HMGCLL1: variants seen among roughly 807,000 people sequenced by gnomAD.
HMGCLL1 encodes the protein 3-hydroxy-3-methylglutaryl-CoA lyase like 1.
HMGCLL1 carries 36 observed loss-of-function variants against 39.1 expected under a neutral mutation model. That is an observed-to-expected ratio of 0.92 (90% confidence interval 0.71 to 1.22). The LOEUF (loss-of-function observed/expected upper bound fraction) is 1.22, where lower values mean the gene tolerates loss of function less well. Among genes scored for constraint, HMGCLL1 ranks in the 50% most tolerant of loss-of-function variants. The probability of loss-of-function intolerance (pLI) is 0.00; values close to 1 mark genes in which losing one functional copy is unlikely to be tolerated. For missense variants in HMGCLL1, 451 were observed against 416.5 expected (o/e 1.08, Z -0.72); for synonymous variants, 149 against 144.0 (o/e 1.03, Z -0.25).
chr6:55,650,098 T>TATATATATACACACACATATAC, the HMGCLL1 span, among the ~76,000 whole-genome samples: 2 of 23,346 alleles, frequency 8.6e-5, no homozygotes, highest in African/African-American at 5.0e-4. Flanking sequence ...TACATATATA[T>TATATATATACACACACATATAC]ATATATATAT....
At chr6:55,475,174 G>T (rs1041480426) in intron 7 of HMGCLL1, among the ~76,000 whole-genome samples, 1 of 151,512 alleles carries the variant, frequency 6.6e-6, no homozygotes, top group Non-Finnish European at 1.5e-5. Flanking sequence ...GCTGGGATAA[G>T]GTACTAGTAA....
chr6:55,620,626 T>TAA, the HMGCLL1 span, among the ~76,000 whole-genome samples: 81 of 149,400 alleles, frequency 5.4e-4, no homozygotes, highest in African/African-American at 1.9e-3. Flanking sequence ...TTTGGGGTGT[T>TAA]ACACACACAC....
chr6:55,497,990 T>A (rs1293297266), intron 6 of HMGCLL1, among the ~76,000 whole-genome samples: 1 of 152,022 alleles, frequency 6.6e-6, no homozygotes, highest in Non-Finnish European at 1.5e-5. Flanking sequence ...AGAGAGTGAG[T>A]TAAGCACAAA....
intron 3 of HMGCLL1, among the ~76,000 whole-genome samples, chr6:55,527,222 G>C (rs1262877874): frequency 6.6e-6 from 1 of 152,018 alleles, no homozygotes; most frequent in African/African-American, 2.4e-5. Flanking sequence ...GAACAGTCTT[G>C]TGGCATATTT....
the HMGCLL1 span, among the ~76,000 whole-genome samples, chr6:55,642,747 A>C: frequency 6.6e-6 from 1 of 152,058 alleles, no homozygotes; most frequent in African/African-American, 2.4e-5. Context: ...ACTAAGTACT[A>C]AGCTTAGTAT....
At chr6:55,541,908 C>A in intron 2 of HMGCLL1, 72 bp from the exon 3 acceptor site, 1 of 1,012,488 alleles carries the variant, frequency 9.9e-7, no homozygotes, top group Non-Finnish European at 1.5e-6. Context: ...AAATTACTTC[C>A]TAAGTCAAAG....
the HMGCLL1 span, among the ~76,000 whole-genome samples, chr6:55,651,318 G>T: frequency 6.6e-6 from 1 of 151,970 alleles, no homozygotes; most frequent in South Asian, 2.1e-4. Flanking sequence ...GTGGCCACAG[G>T]GTTTCTTTCT....
the HMGCLL1 span, among the ~76,000 whole-genome samples, chr6:55,589,070 C>A: frequency 6.6e-6 from 1 of 152,144 alleles, no homozygotes; most frequent in Non-Finnish European, 1.5e-5. Context: ...CCAGCATCAT[C>A]CTGATACCAA....
At chr6:55,627,049 GAAAAAAAAAAA>G in the HMGCLL1 span, among the ~76,000 whole-genome samples, 388 of 85,826 alleles carry the variant, frequency 4.5e-3, 3 homozygotes, top group African/African-American at 0.017. Flanking sequence ...CACTCCACCA[GAAAAAAAAAAA>G]AAAAAAAAAA....
chr6:55,633,848 A>G, the HMGCLL1 span, among the ~76,000 whole-genome samples: 2 of 152,246 alleles, frequency 1.3e-5, no homozygotes, highest in South Asian at 4.1e-4. Context: ...TAAAGAATAG[A>G]TATGAGAAAG....
At chr6:55,500,862 G>A (rs1036500857) in intron 5 of HMGCLL1, among the ~76,000 whole-genome samples, 2 of 151,876 alleles carry the variant, frequency 1.3e-5, no homozygotes, top group Non-Finnish European at 2.9e-5. Flanking sequence ...TAAATACATT[G>A]ATTTTTGAAC....
At position 55,560,546 on chromosome 6, in the gene HMGCLL1, T is replaced by A. The variant is rs189017636; in HGVS notation, c.108+18402A>T. Among the ~76,000 whole-genome samples, 95 of 152,298 alleles carry A rather than the reference T, an allele frequency of 6.2e-4. 1 individual carries two copies. Among genetic ancestry groups the A allele is most frequent in the African/African-American group, 2.2e-3 (91 of 41,572 alleles). On this transcript the variant is annotated intron_variant, in intron 1 of 8. Transcript: ENST00000274901. ...CATAATCCCTCTGTTCCATATTATA[T>A]ATACACCTTCAGTGCTTCCTTCCCT...
intron 3 of HMGCLL1, among the ~76,000 whole-genome samples, chr6:55,517,562 A>G (rs1321094202): frequency 6.6e-6 from 1 of 152,040 alleles, no homozygotes; most frequent in Non-Finnish European, 1.5e-5. Flanking sequence ...TTCTTTATAT[A>G]ACTTGGTTTG....
chr6:55,446,942 T>C (rs1260049265), intron 7 of HMGCLL1, among the ~76,000 whole-genome samples: 1 of 152,038 alleles, frequency 6.6e-6, no homozygotes, highest in East Asian at 1.9e-4. Context: ...TAATAATCTA[T>C]AGTAATGTTA....
intron 3 of HMGCLL1, among the ~76,000 whole-genome samples, chr6:55,522,419 C>T (rs1299466955): frequency 1.3e-5 from 2 of 151,922 alleles, no homozygotes; most frequent in African/African-American, 4.8e-5. Flanking sequence ...ATAGAACTTT[C>T]ACTGAGTAAA....
the HMGCLL1 span, among the ~76,000 whole-genome samples, chr6:55,628,369 T>A: frequency 6.7e-6 from 1 of 149,570 alleles, no homozygotes; most frequent in Admixed American, 6.8e-5. Flanking sequence ...TGGCACAACT[T>A]GGGCTCACTG....
chr6:55,575,130 C>T (rs947804057), intron 1 of HMGCLL1, among the ~76,000 whole-genome samples: 6 of 151,970 alleles, frequency 3.9e-5, no homozygotes, highest in African/African-American at 1.4e-4. Flanking sequence ...GCCAATTAAG[C>T]CAGCTTCATT....
chr6:55,641,705 T>A, the HMGCLL1 span, among the ~76,000 whole-genome samples: 1 of 151,872 alleles, frequency 6.6e-6, no homozygotes, highest in African/African-American at 2.4e-5. Flanking sequence ...ACGTATTCTA[T>A]AACTAGAAAA....
At chr6:55,570,796 T>C (rs1771440615) in intron 1 of HMGCLL1, among the ~76,000 whole-genome samples, 1 of 152,196 alleles carries the variant, frequency 6.6e-6, no homozygotes, top group African/African-American at 2.4e-5. Context: ...TAGTCCATGT[T>C]CACGCTGCTG....
Sources: allele counts gnomAD v4.1 joint callset (sites outside exome capture counted in the v4.1 genomes callset), GRCh38; gene constraint gnomAD v4.1.1; transcripts MANE v1.5; gene names NCBI Gene and HGNC (gene_info 2026-07-23, HGNC 2026-07-21).